The following KIF26B variants were observed in gnomAD, a reference collection of about 807,000 sequenced individuals.
KIF26B encodes the protein kinesin family member 26B.
KIF26B carries 63 observed loss-of-function variants against 151.2 expected under a neutral mutation model. That is an observed-to-expected ratio of 0.42 (90% CI 0.34 to 0.51). KIF26B has a LOEUF of 0.51. Among genes scored for constraint, KIF26B ranks in the 20% least tolerant of loss-of-function variants. KIF26B has a pLI of 0.07. For missense variants in KIF26B, 2,813 were observed against 2,913.6 expected (o/e 0.97, Z 0.79); for synonymous variants, 1,357 against 1,262.1 (o/e 1.08, Z -1.59).
chr1:245,440,624 T>A (rs1659056440), intron 4 of KIF26B, among the ~76,000 whole-genome samples: 1 of 152,196 alleles, frequency 6.6e-6, no homozygotes, highest in Non-Finnish European at 1.5e-5. Context: ...CCTGCCTCTC[T>A]TGCACAGAAA....
intron 2 of KIF26B, among the ~76,000 whole-genome samples, chr1:245,221,651 C>T (rs1167886824): frequency 6.6e-6 from 1 of 152,182 alleles, no homozygotes; most frequent in African/African-American, 2.4e-5. Flanking sequence ...AGGTGGTCAG[C>T]TTGCCTCGGC....
chr1:245,341,713 G>A (rs1184635379), intron 2 of KIF26B, among the ~76,000 whole-genome samples: 1 of 152,150 alleles, frequency 6.6e-6, no homozygotes, highest in African/African-American at 2.4e-5. Context: ...TTCAACACAG[G>A]AGACTATGTT....
intron 2 of KIF26B, among the ~76,000 whole-genome samples, chr1:245,288,194 CATGTTCCATTCG>C: frequency 6.6e-6 from 1 of 152,288 alleles, no homozygotes; most frequent in South Asian, 2.1e-4. Context: ...CTGAGGCCAT[CATGTTCCATTCG>C]GAGCATCGTA....
intron 4 of KIF26B, among the ~76,000 whole-genome samples, chr1:245,537,806 A>G (rs80252810): frequency 0.035 from 5,365 of 152,294 alleles, 323 homozygotes; most frequent in African/African-American, 0.12. Context: ...TTTATTAGAT[A>G]TCCAAGTGGA....
intron 2 of KIF26B, among the ~76,000 whole-genome samples, chr1:245,349,736 A>T (rs1672528128): frequency 1.3e-5 from 2 of 152,114 alleles, no homozygotes; most frequent in African/African-American, 4.8e-5. Flanking sequence ...AGCAACTAAA[A>T]CTCTCCTTGT....
chr1:245,568,066 G>A (rs2043027598), intron 5 of KIF26B, among the ~76,000 whole-genome samples: 1 of 151,864 alleles, frequency 6.6e-6, no homozygotes, highest in African/African-American at 2.4e-5. Context: ...CTACTCAGGA[G>A]GCTGAGGCAG....
intron 10 of KIF26B, among the ~76,000 whole-genome samples, chr1:245,682,905 GCTC>G (rs35122706): frequency 9.9e-5 from 15 of 151,470 alleles, no homozygotes; most frequent in Middle Eastern, 3.4e-3. Flanking sequence ...AACTTTCACA[GCTC>G]CTCCTCCTCC....
In KIF26B at chr1:245,170,878, C is replaced by T. The variant is rs114977505; in HGVS notation, c.465+14195C>T. Among the ~76,000 whole-genome samples the T allele has an allele frequency of 3.2e-4, 48 of 152,304 alleles. No homozygotes were observed. The highest frequency in any genetic ancestry group is 1.1e-3 in the African/African-American group (46 of 41,558). ...GAGGTCACTTGTCTAGACACTGACCCCTCAGGCAGTGTTCATGTTTGGTTT... is the reference window on the plus strand; with the variant it reads ...GAGGTCACTTGTCTAGACACTGACCTCTCAGGCAGTGTTCATGTTTGGTTT... On this transcript the variant is annotated intron_variant, in intron 2 of 14. Transcript: ENST00000407071. This position sits in a 1 kb window ranked among gnomAD's most constrained non-coding sequence, Gnocchi z 4.4.
At chr1:245,256,822 C>T (rs1482627626) in intron 2 of KIF26B, among the ~76,000 whole-genome samples, 1 of 152,046 alleles carries the variant, frequency 6.6e-6, no homozygotes, top group Non-Finnish European at 1.5e-5. Context: ...ATAGCCGGCC[C>T]CAAAAGAAAT....
chr1:245,403,941 A>C (rs906469332), intron 3 of KIF26B, among the ~76,000 whole-genome samples: 2 of 152,184 alleles, frequency 1.3e-5, no homozygotes, highest in African/African-American at 4.8e-5. Flanking sequence ...AATTTGTATC[A>C]AAAATTGTAG....
In KIF26B at chr1:245,594,174, A is replaced by C. The variant is rs866837809; in HGVS notation, c.1351-8403A>C. On this transcript the variant is annotated intron_variant, in intron 5 of 14. Coordinates refer to ENST00000407071, the MANE Select transcript of KIF26B (RefSeq NM_018012.4). ...CTGTGCAGAAGCTCTTAGTTTAATT[A>C]GATCCCATTTGTCAATTTTGGCTTT... Among the ~76,000 whole-genome samples the C allele has an allele frequency of 3.3e-5, 5 of 152,204 alleles. No individual in the cohort carries two copies. In the South Asian group the frequency reaches 1.0e-3, roughly 32 times the overall value.
intron 4 of KIF26B, among the ~76,000 whole-genome samples, chr1:245,468,789 G>A (rs757559089): frequency 6.6e-6 from 1 of 152,056 alleles, no homozygotes; most frequent in Non-Finnish European, 1.5e-5. Flanking sequence ...AGTAAAACTC[G>A]ATCTGGAGTG....
At position 245,687,936 on chromosome 1, in the gene KIF26B, C is replaced by T; in HGVS notation, c.4953C>T (p.Ser1651=). ...GCAAGACGAAGGACGCCAGCAGCAG[C>T]AGCAAGCTCTTCAGTGCCAAGCTGG... ...PSGKTKDASS[S]SKLFSAKLEQ... The change falls in exon 12 of 15, where the codon AGC becomes AGT. Residue 1651 remains serine (S), a synonymous_variant. Coordinates refer to ENST00000407071, the MANE Select transcript of KIF26B (RefSeq NM_018012.4). The surrounding 1 kb of genome is among the most constrained non-coding windows in gnomAD (Gnocchi z 4.9). 6.3e-7 allele frequency: 1 copy of T among 1,594,682 alleles called. No homozygotes were observed. Among genetic ancestry groups the T allele is most frequent in the South Asian group, 1.1e-5 (1 of 87,742 alleles).
At chr1:245,445,150 G>A (rs766845739) in intron 4 of KIF26B, among the ~76,000 whole-genome samples, 4 of 152,106 alleles carry the variant, frequency 2.6e-5, no homozygotes, top group African/African-American at 7.2e-5. Flanking sequence ...GTGACTAAGC[G>A]GAGACAAGAA....
In KIF26B at chr1:245,328,510, G is replaced by T. The variant is rs138138553; in HGVS notation, c.466-38324G>T. Among the ~76,000 whole-genome samples, 351 of 152,272 alleles carry T rather than the reference G, an allele frequency of 2.3e-3. 1 individual carries two copies. Among genetic ancestry groups the T allele is most frequent in the African/African-American group, 7.7e-3 (318 of 41,538 alleles). ...AGCTAAACTGAATGCCTGTGTATTT[G>T]CTGTAAGCATTGCCTGCCTTAATTC... On this transcript the variant is annotated intron_variant, in intron 2 of 14. Coordinates refer to ENST00000407071, the MANE Select transcript of KIF26B (RefSeq NM_018012.4).
At chr1:245,553,816 T>C (rs1661953530) in intron 5 of KIF26B, among the ~76,000 whole-genome samples, 1 of 152,162 alleles carries the variant, frequency 6.6e-6, no homozygotes, top group Non-Finnish European at 1.5e-5. Context: ...TGATTCCATT[T>C]CATTGAGAAT....
chr1:245,702,576 C>T lies in KIF26B; in HGVS notation c.6297C>T (p.Thr2099=), dbSNP rs746730702. ...NFCKAHLMMI[T]CFDITSRRR The stretch of plus-strand genomic sequence containing the variant: ...GCAAGGCCCATCTCATGATGATCAC[C>T]TGCTTCGACATCACCTCCAGGCGCC... The change falls in exon 15 of 15, where the codon ACC becomes ACT. Residue 2099 remains threonine (T), a synonymous_variant. Coordinates refer to ENST00000407071, the MANE Select transcript of KIF26B (RefSeq NM_018012.4). The surrounding 1 kb of genome is among the most constrained non-coding windows in gnomAD (Gnocchi z 4.1). 6 of 1,613,972 alleles carry T rather than the reference C, an allele frequency of 3.7e-6. No homozygotes were observed. In the South Asian group the frequency reaches 6.6e-5, roughly 18 times the overall value.
intron 2 of KIF26B, among the ~76,000 whole-genome samples, chr1:245,259,000 C>T (rs1425479936): frequency 1.3e-5 from 2 of 152,174 alleles, no homozygotes; most frequent in Non-Finnish European, 2.9e-5. Context: ...ACATGTGTGC[C>T]AGTCCAGTTT....
intron 14 of KIF26B, among the ~76,000 whole-genome samples, chr1:245,699,561 C>T (rs1415953439): frequency 6.6e-6 from 1 of 151,624 alleles, no homozygotes; most frequent in Non-Finnish European, 1.5e-5. Context: ...TGACCATAAC[C>T]ATCTAATAAC....
Sources: gnomAD v4.1 joint callset for allele counts (sites outside exome capture counted in the v4.1 genomes callset) on GRCh38, gnomAD v4.1.1 for gene constraint, Gnocchi (gnomAD v3.1) non-coding constraint, MANE v1.5 for transcripts, NCBI Gene and HGNC (gene_info 2026-07-23, HGNC 2026-07-21) for gene names.